Variants in RAPGEF2 observed in about 807,000 individuals in gnomAD.
RAPGEF2 encodes Rap guanine nucleotide exchange factor 2.
RAPGEF2 carries 54 observed loss-of-function variants against 186.7 expected under a neutral mutation model. The ratio of observed to expected loss-of-function variants is 0.29; its 90% confidence interval spans 0.23 to 0.36. The LOEUF (loss-of-function observed/expected upper bound fraction) is 0.36. Among genes scored for constraint, RAPGEF2 ranks in the 10% least tolerant of loss-of-function variants. The pLI is 1.00. For synonymous variants in RAPGEF2, 712 were observed against 705.9 expected, an observed-to-expected ratio of 1.01 and a Z score of -0.14; for missense variants, 1,532 against 2,045.0, an observed-to-expected ratio of 0.75 and a Z score of 4.84.
In RAPGEF2 at chr4:159,353,243, AT is replaced by A. The variant is rs11381317; in HGVS notation, c.4092-231del. ...GAGCCACCCTTAATGTTGTCGGGGA[AT>A]TTTTTTTTTTTTAATGGCACGTTGC... On this transcript the variant is annotated intron_variant, in intron 27 of 29. Transcript: ENST00000691494. The surrounding 1 kb of genome is among the most constrained non-coding windows in gnomAD (Gnocchi z 4.3). 5.0e-4 allele frequency among the ~76,000 whole-genome samples: 74 copies of A among 147,206 alleles called. 1 individual carries two copies. The highest frequency in any genetic ancestry group is 3.6e-3 in the Middle Eastern group (1 of 278).
intron 1 of RAPGEF2, among the ~76,000 whole-genome samples, chr4:159,121,805 C>G (rs921394219): frequency 2.0e-5 from 3 of 150,362 alleles, no homozygotes; most frequent in African/African-American, 7.4e-5. Context: ...CCGAGGCGGG[C>G]GGATCACAAG....
chr4:159,167,416 A>G (rs1040955064), intron 1 of RAPGEF2, among the ~76,000 whole-genome samples: 1 of 152,218 alleles, frequency 6.6e-6, no homozygotes, highest in Non-Finnish European at 1.5e-5. Context: ...TAGATGCGAT[A>G]TCTTAGGGAA....
At chr4:159,151,995 G>A (rs1743594044) in intron 1 of RAPGEF2, among the ~76,000 whole-genome samples, 1 of 152,126 alleles carries the variant, frequency 6.6e-6, no homozygotes, top group Non-Finnish European at 1.5e-5. Context: ...ATATGGACAA[G>A]GAGAAAGTAG....
chr4:159,144,563 A>AT (rs1356383828), intron 1 of RAPGEF2, among the ~76,000 whole-genome samples: 1 of 152,118 alleles, frequency 6.6e-6, no homozygotes, highest in East Asian at 1.9e-4. Context: ...CAGTTTATTT[A>AT]TTTTTAATCA....
chr4:159,269,874 G>A (rs1487500405), intron 7 of RAPGEF2, among the ~76,000 whole-genome samples: 4 of 152,044 alleles, frequency 2.6e-5, no homozygotes, highest in African/African-American at 9.7e-5. Context: ...TGTTAAAACC[G>A]TTCACTGCCA....
intron 1 of RAPGEF2, among the ~76,000 whole-genome samples, chr4:159,165,396 C>T (rs1745196446): frequency 6.6e-6 from 1 of 152,078 alleles, no homozygotes; most frequent in South Asian, 2.1e-4. Context: ...TGGAGGAAAT[C>T]ATTCAGATCG....
At chr4:159,284,481 GACACACAC>G (rs36232973) in intron 7 of RAPGEF2, among the ~76,000 whole-genome samples, 9,305 of 140,248 alleles carry the variant, frequency 0.066, 399 homozygotes, top group East Asian at 0.18. Context: ...CCGCCATGGA[GACACACAC>G]ACACACACAC....
Position 159,295,736 on chromosome 4 carries a change from T to A in RAPGEF2, c.544-8606T>A, listed in dbSNP as rs879048709. Among the ~76,000 whole-genome samples the A allele has an allele frequency of 5.9e-4, 79 of 132,908 alleles. 1 individual carries two copies. Among genetic ancestry groups the A allele is most frequent in the East Asian group, 2.2e-3 (11 of 4,986 alleles). 87.2% of individuals were successfully genotyped at this position (132,908 alleles called of 152,430 possible). ...GAGTGTGTGAGTGTGTGTGTGTGTG[T>A]GTGTGTGTGTGTGTGTGTGCGCGCG... is the stretch of plus-strand genomic sequence containing the variant. On this transcript the variant is annotated intron_variant, in intron 7 of 29. Coordinates refer to ENST00000691494, the MANE Select transcript of RAPGEF2 (RefSeq NM_001394067.2).
intron 1 of RAPGEF2, among the ~76,000 whole-genome samples, chr4:159,185,854 T>G (rs976016103): frequency 6.6e-6 from 1 of 152,150 alleles, no homozygotes; most frequent in Non-Finnish European, 1.5e-5. Context: ...GAGAGGATTA[T>G]TTTACAAATT....
intron 7 of RAPGEF2, among the ~76,000 whole-genome samples, chr4:159,284,259 T>C (rs1760129448): frequency 6.6e-6 from 1 of 152,142 alleles, no homozygotes; most frequent in African/African-American, 2.4e-5. Context: ...AGTAATGTAC[T>C]AACTCTATCA....
chr4:159,196,900 T>C (rs1381940962), intron 3 of RAPGEF2, among the ~76,000 whole-genome samples: 6 of 152,230 alleles, frequency 3.9e-5, no homozygotes, highest in South Asian at 2.1e-4. Context: ...TCTGATAAGA[T>C]TGCATTTTTA....
At chr4:159,170,478 C>G (rs1416659127) in intron 1 of RAPGEF2, among the ~76,000 whole-genome samples, 1 of 152,144 alleles carries the variant, frequency 6.6e-6, no homozygotes, top group East Asian at 1.9e-4. Flanking sequence ...CAACTATTCA[C>G]ATAGTATTTA....
At chr4:159,106,122 C>T (rs1328695727) in intron 1 of RAPGEF2, among the ~76,000 whole-genome samples, 1 of 152,246 alleles carries the variant, frequency 6.6e-6, no homozygotes, top group Non-Finnish European at 1.5e-5. Context: ...CAGAACTTGG[C>T]CTGGGCCAGC....
chr4:159,286,348 C>G (rs978858040), intron 7 of RAPGEF2, among the ~76,000 whole-genome samples: 1 of 152,068 alleles, frequency 6.6e-6, no homozygotes, highest in Non-Finnish European at 1.5e-5. Context: ...CTCACTTGTA[C>G]CATTCCTAAT....
chr4:159,234,227 A>G (rs1752972164), intron 4 of RAPGEF2, among the ~76,000 whole-genome samples: 2 of 152,292 alleles, frequency 1.3e-5, no homozygotes, highest in Non-Finnish European at 2.9e-5. Flanking sequence ...GTTTAGAACA[A>G]TCCTTACCTA....
At chr4:159,181,733 C>T in intron 1 of RAPGEF2, among the ~76,000 whole-genome samples, 1 of 152,048 alleles carries the variant, frequency 6.6e-6, no homozygotes, top group South Asian at 2.1e-4. Flanking sequence ...GACGGGGTTT[C>T]ACCATGTTGG....
At chr4:159,288,811 C>T (rs1430305571) in intron 7 of RAPGEF2, among the ~76,000 whole-genome samples, 1 of 152,170 alleles carries the variant, frequency 6.6e-6, no homozygotes. Flanking sequence ...CTCGACCATT[C>T]CTAGGTTTAT....
chr4:159,319,619 TTAAAA>T (rs1279339686), intron 9 of RAPGEF2, among the ~76,000 whole-genome samples: 4 of 152,204 alleles, frequency 2.6e-5, no homozygotes, highest in Non-Finnish European at 4.4e-5. Context: ...CCTTGAAATC[TTAAAA>T]TGAAATCTTA....
chr4:159,267,815 T>G, intron 7 of RAPGEF2: 1 of 1,024,056 alleles, frequency 9.8e-7, no homozygotes, highest in Non-Finnish European at 1.2e-6. Context: ...TTTCCTCTCC[T>G]TTTCTTTTGC....
Sources: allele counts gnomAD v4.1 joint callset (sites outside exome capture counted in the v4.1 genomes callset), GRCh38; gene constraint gnomAD v4.1.1; non-coding constraint Gnocchi (gnomAD v3.1); transcripts MANE v1.5; gene names NCBI Gene and HGNC (gene_info 2026-07-23, HGNC 2026-07-21).